Variants in CBLIF observed in about 807,000 individuals in gnomAD.
CBLIF encodes gastric intrinsic factor (vitamin B synthesis).
In CBLIF, 24 loss-of-function variants were observed where a neutral mutation model predicts 44.9. That is an observed-to-expected ratio of 0.53 (90% CI 0.39 to 0.75). The LOEUF (loss-of-function observed/expected upper bound fraction) is 0.75. Ranked by LOEUF, CBLIF falls within the 30% of genes least tolerant of loss-of-function variation. The pLI is 0.00. For synonymous variants in CBLIF, 183 were observed against 190.9 expected (o/e 0.96, Z 0.34); for missense variants, 481 against 513.0 (o/e 0.94, Z 0.60).
chr11:59,831,739 C>G lies in CBLIF; in HGVS notation c.1131G>C (p.Ala377=), dbSNP rs747566840. The G allele has an allele frequency of 6.2e-7, 1 of 1,609,028 alleles. No homozygotes were observed. Among genetic ancestry groups the G allele is most frequent in the African/African-American group, 1.3e-5 (1 of 74,710 alleles). ...GLVVSSINNI[A]ENVNHKTYWQ... Reference sequence around the variant, plus strand: ...AGTATGTCTTGTGATTAACATTTTCCGCGATATTGTTGATAGAAGAGACGA... The same window carrying G: ...AGTATGTCTTGTGATTAACATTTTCGGCGATATTGTTGATAGAAGAGACGA... Residue 377 remains alanine (A), a synonymous_variant, in exon 8 of 9, where the codon GCG becomes GCC. Transcript: ENST00000257248.
chr11:59,834,240 T>TTTCC, intron 7 of CBLIF, among the ~76,000 whole-genome samples: 1 of 115,242 alleles, frequency 8.7e-6, no homozygotes, highest in East Asian at 2.5e-4. Flanking sequence ...CTTTCTTTCT[T>TTTCC]TTTCTTTCTT....
chr11:59,839,829 CA>C (rs1177463058), intron 5 of CBLIF, among the ~76,000 whole-genome samples: 1 of 151,706 alleles, frequency 6.6e-6, no homozygotes, highest in Non-Finnish European at 1.5e-5. Flanking sequence ...ACCAAGTTAG[CA>C]AAAGTAAACA....
chr11:59,841,128 C>G lies in CBLIF; in HGVS notation c.693+15G>C. 6.2e-7 allele frequency: 1 copy of G among 1,600,188 alleles called. No individual in the cohort carries two copies. The highest frequency in any genetic ancestry group is 8.6e-7 in the Non-Finnish European group (1 of 1,167,232). On this transcript the variant is annotated intron_variant, in intron 5 of 8. Coordinates refer to ENST00000257248, the MANE Select transcript of CBLIF (RefSeq NM_005142.3). Reference sequence around the variant, plus strand: ...TTGGCAGGAACCCAACCAAGAGCATCCAGCACGTGTTTACCTGCATGGCGA... The same window carrying G: ...TTGGCAGGAACCCAACCAAGAGCATGCAGCACGTGTTTACCTGCATGGCGA...
chr11:59,839,914 C>T (rs1866502230), intron 5 of CBLIF, among the ~76,000 whole-genome samples: 1 of 151,714 alleles, frequency 6.6e-6, no homozygotes, highest in South Asian at 2.1e-4. Flanking sequence ...AATCCCCAAA[C>T]CATCTTTTAT....
intron 4 of CBLIF, 114 bp downstream of exon 4, chr11:59,842,329 A>G: frequency 1.7e-6 from 2 of 1,187,338 alleles, no homozygotes; most frequent in Non-Finnish European, 2.5e-6. Flanking sequence ...GCACGTTCAC[A>G]TCCTTAGCTC....
At position 59,837,155 on chromosome 11, in the gene CBLIF, G is replaced by A; in HGVS notation, c.871+19C>T. ...CATAAGTTGCTGCTTTATGACATAA[G>A]GAGAGGTGGATGTCTTACCAGGACT... On this transcript the variant is annotated intron_variant, in intron 6 of 8. Transcript: ENST00000257248. The A allele has an allele frequency of 6.3e-7, 1 of 1,593,984 alleles. No homozygotes were observed.
rs1866593919 is a variant in CBLIF, at chr11:59,845,487, TACCGC to T, written c.-39_-35del. 7.5e-7 allele frequency: 1 copy of T among 1,341,822 alleles called. No homozygotes were observed. Among genetic ancestry groups the T allele is most frequent in the Non-Finnish European group, 1.1e-6 (1 of 932,490 alleles). 83.1% of individuals were successfully genotyped at this position (1,341,822 alleles called of 1,614,324 possible). On this transcript the variant is annotated 5_prime_UTR_variant, in exon 1 of 9. Transcript: ENST00000257248. ...CTCGTCTATGTCTCTCATCCACAGG[TACCGC>T]GATTTGCAAGTGGAATATTTCTTTA... is the stretch of plus-strand genomic sequence containing the variant.
intron 4 of CBLIF, among the ~76,000 whole-genome samples, chr11:59,842,137 A>G (rs182020610): frequency 6.6e-6 from 1 of 152,294 alleles, no homozygotes; most frequent in African/African-American, 2.4e-5. Flanking sequence ...TTCATATTTA[A>G]TTTGGGAAGA....
rs370902375 is a variant in CBLIF at position 59,831,740 on chromosome 11, G to C, written c.1130C>G (p.Ala377Gly). 1.9e-6 allele frequency: 3 copies of C among 1,609,076 alleles called. No individual in the cohort carries two copies. The South Asian group carries it at 3.3e-5, about 18-fold the overall frequency. Reference sequence around the variant, plus strand: ...GTATGTCTTGTGATTAACATTTTCCGCGATATTGTTGATAGAAGAGACGAC... The same window carrying C: ...GTATGTCTTGTGATTAACATTTTCCCCGATATTGTTGATAGAAGAGACGAC... ...GLVVSSINNIAENVNHKTYWQ... is the reference protein window; with the variant it reads ...GLVVSSINNIGENVNHKTYWQ... Residue 377 changes from alanine (A) to glycine (G), a missense_variant, in exon 8 of 9, where the codon GCG becomes GGG. Coordinates refer to ENST00000257248, the MANE Select transcript of CBLIF (RefSeq NM_005142.3).
At chr11:59,837,107 A>G in intron 6 of CBLIF, 67 bp downstream of exon 6, 1 of 1,231,408 alleles carries the variant, frequency 8.1e-7, no homozygotes, top group East Asian at 2.3e-5. Context: ...GCCACTTAAC[A>G]TTGATCCACA....
At chr11:59,833,094 T>C (rs1285864519) in intron 7 of CBLIF, among the ~76,000 whole-genome samples, 1 of 152,252 alleles carries the variant, frequency 6.6e-6, no homozygotes, top group Non-Finnish European at 1.5e-5. Flanking sequence ...TTTTTCTTCT[T>C]TTTGCTTTTT....
At chr11:59,844,615 C>T (rs1408884635) in intron 1 of CBLIF, among the ~76,000 whole-genome samples, 4 of 152,154 alleles carry the variant, frequency 2.6e-5, no homozygotes, top group Admixed American at 1.3e-4. Flanking sequence ...CAATATGGCT[C>T]ATGACATTTC....
chr11:59,830,856 G>T (rs1866364018), intron 8 of CBLIF, among the ~76,000 whole-genome samples: 1 of 152,170 alleles, frequency 6.6e-6, no homozygotes, highest in Admixed American at 6.5e-5. Context: ...AGTCCTCTGT[G>T]ATTCCAAGAT....
chr11:59,841,521 G>C (rs889933603), intron 4 of CBLIF, among the ~76,000 whole-genome samples, 197 bp from the exon 5 acceptor site: 2 of 152,166 alleles, frequency 1.3e-5, no homozygotes, highest in Non-Finnish European at 2.9e-5. Flanking sequence ...TAAGCAGCAG[G>C]GCCAAATCTC....
chr11:59,837,239 G>C lies in CBLIF; in HGVS notation c.806C>G (p.Ala269Gly). 2 of 1,613,926 alleles carry C rather than the reference G, an allele frequency of 1.2e-6. No homozygotes were observed. Among genetic ancestry groups the C allele is most frequent in the Non-Finnish European group, 1.7e-6 (2 of 1,179,778 alleles). Residue 269 changes from alanine (A) to glycine (G), a missense_variant, in exon 6 of 9, where the codon GCT becomes GGT. Coordinates refer to ENST00000257248, the MANE Select transcript of CBLIF (RefSeq NM_005142.3). The stretch of plus-strand genomic sequence containing the variant: ...GCCTTTCAGGGAAGGGAGGATTTGA[G>C]CAATGGACATGGGGTTGTGGAATTT... ...QGKFHNPMSI[A>G]QILPSLKGKT...
At chr11:59,844,429 C>T (rs1228703870) in intron 1 of CBLIF, among the ~76,000 whole-genome samples, 5 of 152,260 alleles carry the variant, frequency 3.3e-5, no homozygotes, top group East Asian at 3.9e-4. Context: ...TGAGCCACCT[C>T]GCCTGGCCAT....
intron 6 of CBLIF, 127 bp downstream of exon 6, chr11:59,837,047 G>A: frequency 2.6e-6 from 2 of 775,936 alleles, no homozygotes; most frequent in African/African-American, 1.7e-5. Flanking sequence ...AGGACTGGGA[G>A]TCAGATGTAC....
intron 5 of CBLIF, among the ~76,000 whole-genome samples, chr11:59,838,864 T>A (rs191424001): frequency 4.0e-5 from 6 of 150,184 alleles, no homozygotes; most frequent in African/African-American, 1.5e-4. Flanking sequence ...TTTTTTTTTT[T>A]TTGAGATGGA....
At chr11:59,831,629 G>A (rs1232164903) in intron 8 of CBLIF, 49 bp downstream of exon 8, 4 of 820,826 alleles carry the variant, frequency 4.9e-6, no homozygotes, top group Non-Finnish European at 8.7e-6. Flanking sequence ...ATTAAAGAAT[G>A]TAGCCTTCAG....
Sources: gnomAD v4.1 joint callset for allele counts (sites outside exome capture counted in the v4.1 genomes callset) on GRCh38, gnomAD v4.1.1 for gene constraint, MANE v1.5 for transcripts, NCBI Gene and HGNC (gene_info 2026-07-23, HGNC 2026-07-21) for gene names.